Variants in PALB2 observed in about 807,000 individuals in gnomAD.
The protein encoded by PALB2 is mutant partner and localizer of BRCA2.
PALB2 carries 82 observed loss-of-function variants against 107.4 expected under a neutral mutation model. The ratio of observed to expected loss-of-function variants is 0.76; its 90% confidence interval spans 0.64 to 0.92. PALB2 has a LOEUF of 0.92. Among genes scored for constraint, PALB2 ranks in the 40% least tolerant of loss-of-function variants. PALB2 has a pLI of 0.00. For synonymous variants in PALB2, 489 were observed against 496.8 expected, an observed-to-expected ratio of 0.98 and a Z score of 0.21; for missense variants, 1,374 against 1,379.9, an observed-to-expected ratio of 1.00 and a Z score of 0.07.
At chr16:23,611,578 C>A (rs1966589653) in intron 11 of PALB2, among the ~76,000 whole-genome samples, 1 of 151,908 alleles carries the variant, frequency 6.6e-6, no homozygotes, top group Non-Finnish European at 1.5e-5. Flanking sequence ...CCTGCCTTAG[C>A]TTCCCTAGTA....
intron 10 of PALB2, 70 bp downstream of exon 10, chr16:23,621,292 A>G: frequency 1.0e-6 from 1 of 1,001,070 alleles, no homozygotes; most frequent in Non-Finnish European, 1.6e-6. Context: ...CTTCACAACA[A>G]CCCTGTAAAA....
intron 4 of PALB2, 54 bp from the exon 5 acceptor site, chr16:23,630,523 A>C (rs2142391948): frequency 7.5e-7 from 1 of 1,335,270 alleles, no homozygotes; most frequent in Non-Finnish European, 1.1e-6. Flanking sequence ...AAAACAGACA[A>C]TCTGTTTCAC....
chr16:23,630,872 G>A (rs1385235724), intron 4 of PALB2, among the ~76,000 whole-genome samples: 1 of 151,966 alleles, frequency 6.6e-6, no homozygotes, highest in African/African-American at 2.4e-5. Context: ...TACTTTCAGA[G>A]GTCAAGGTAA....
rs1060502726 is a variant in PALB2, at chr16:23,626,273, C to T, written c.2711G>A (p.Trp904Ter). Residue 904 changes from tryptophan to a stop codon, truncating the protein, a stop_gained, in exon 7 of 13, where the codon TGG (tryptophan) becomes TAG (stop). Coordinates refer to ENST00000261584, the MANE Select transcript of PALB2 (RefSeq NM_024675.4). LOFTEE classifies it high-confidence loss of function. The stretch of plus-strand genomic sequence containing the variant: ...CCAGGTATAAAGTTTTTCCCACTGC[C>T]AAGCATCCAGAGCTTTCCAAAGAGA... ...VVSLWKALDA[W>*]QWEKLYTWHF... The T allele has an allele frequency of 1.9e-6, 3 of 1,614,158 alleles. No homozygotes were observed. Among genetic ancestry groups the T allele is most frequent in the Non-Finnish European group, 2.5e-6 (3 of 1,180,024 alleles).
rs1555459932 is a variant in PALB2, at chr16:23,626,260, T to A, written c.2724A>T (p.Lys908Asn). 5.6e-6 allele frequency: 9 copies of A among 1,614,116 alleles called. No homozygotes were observed. Among genetic ancestry groups the A allele is most frequent in the African/African-American group, 2.7e-5 (2 of 75,010 alleles). ...WKALDAWQWE[K>N]LYTWHFAEVP... ...CCTCTGCGAAGTGCCAGGTATAAAG[T>A]TTTTCCCACTGCCAAGCATCCAGAG... Residue 908 changes from lysine to asparagine, a missense_variant, in exon 7 of 13, where the codon AAA becomes AAT. Coordinates refer to ENST00000261584, the MANE Select transcript of PALB2 (RefSeq NM_024675.4).
intron 11 of PALB2, among the ~76,000 whole-genome samples, chr16:23,610,638 G>A (rs554135838): frequency 2.0e-4 from 31 of 152,104 alleles, no homozygotes; most frequent in African/African-American, 7.2e-4. Flanking sequence ...TGGCTTTATG[G>A]GGGACTTTTA....
chr16:23,636,358 A>G, intron 3 of PALB2, 24 bp from the exon 4 acceptor site: 2 of 1,460,284 alleles, frequency 1.4e-6, no homozygotes, highest in African/African-American at 1.4e-5. Context: ...AAATGTATAT[A>G]ACTTATATTT....
chr16:23,640,947 C>T, intron 1 of PALB2, 163 bp downstream of exon 1: 1 of 753,342 alleles, frequency 1.3e-6, no homozygotes, highest in Non-Finnish European at 2.2e-6. Flanking sequence ...GTGAGCACCA[C>T]GCTATTTCCA....
rs769634658 is a variant in PALB2, at chr16:23,629,876, G to T, written c.2278C>A (p.Leu760Ile). ...VAGRTCCTPQ[L>I]AHLKDSVCLA... ...CAGACTGAGTCTTTCAAATGAGCAA[G>T]TTGGGGTGTGCAGCAAGTTCGTCCA... Residue 760 changes from leucine to isoleucine, a missense_variant, in exon 5 of 13, where the codon CTT becomes ATT. Physicochemically the swap from Leu to Ile is conservative, Grantham distance 5. Transcript: ENST00000261584. The T allele has an allele frequency of 6.8e-6, 11 of 1,614,206 alleles. No individual in the cohort carries two copies. The highest frequency in any genetic ancestry group is 6.8e-6 in the Non-Finnish European group (8 of 1,180,040).
rs1283424643 is a variant in PALB2, at chr16:23,640,762, C to T, written c.48+348G>A. 13 of 308,138 alleles carry T rather than the reference C, an allele frequency of 4.2e-5. No homozygotes were observed. In the Admixed American group the frequency reaches 5.5e-4, roughly 13 times the overall value. The allele number at this position is 308,138 out of a possible 1,614,324, so 19.1% of individuals were successfully genotyped here. ...CCACCCACATTAACACACGAAAGGACCTGGAAGTACCAGACTTAAAAGATT... is the reference window on the plus strand; with the variant it reads ...CCACCCACATTAACACACGAAAGGATCTGGAAGTACCAGACTTAAAAGATT... On this transcript the variant is annotated intron_variant, in intron 1 of 12. Transcript: ENST00000261584.
chr16:23,624,708 A>C (rs1966836916), intron 7 of PALB2, among the ~76,000 whole-genome samples: 1 of 152,130 alleles, frequency 6.6e-6, no homozygotes, highest in African/African-American at 2.4e-5. Flanking sequence ...ACGGGGTTTC[A>C]CCATGTTGGT....
chr16:23,637,912 T>G lies in PALB2; in HGVS notation c.149A>C (p.Lys50Thr), dbSNP rs763598472. The G allele has an allele frequency of 1.2e-5, 19 of 1,614,002 alleles. No homozygotes were observed. Among genetic ancestry groups the G allele is most frequent in the East Asian group, 8.9e-5 (4 of 44,878 alleles). Residue 50 changes from lysine to threonine, a missense_variant, in exon 3 of 13, where the codon AAA becomes ACA. Coordinates refer to ENST00000261584, the MANE Select transcript of PALB2 (RefSeq NM_024675.4). The stretch of plus-strand genomic sequence containing the variant: ...CAAACAATCTTGTTCTTCTACTGTT[T>G]TCTTAATAGAATGCTTAATCTTTTC... ...RAEKIKHSIK[K>T]TVEEQDCLSQ...
intron 5 of PALB2, 32 bp from the exon 6 acceptor site, chr16:23,629,307 C>T: frequency 6.4e-6 from 10 of 1,568,382 alleles, no homozygotes; most frequent in Non-Finnish European, 8.8e-6. Context: ...CATTAGTCTA[C>T]ACTTTATGTA....
In PALB2 at chr16:23,635,766, C is replaced by T. The variant is rs1967021342; in HGVS notation, c.780G>A (p.Gln260=). 6.2e-7 allele frequency: 1 copy of T among 1,614,074 alleles called. No homozygotes were observed. Among genetic ancestry groups the T allele is most frequent in the Non-Finnish European group, 8.5e-7 (1 of 1,179,996 alleles). Residue 260 remains glutamine (Q), a synonymous_variant, in exon 4 of 13, where the codon CAG becomes CAA. Transcript: ENST00000261584. ...LQTLSDSGSS[Q]HLEHIPPKGS... ...CTTTAGGAGGAATGTGTTCAAGGTG[C>T]TGACTACTACCGCTATCTGATAGAG...
intron 4 of PALB2, among the ~76,000 whole-genome samples, chr16:23,633,069 G>T (rs1445351138): frequency 6.6e-6 from 1 of 152,152 alleles, no homozygotes; most frequent in African/African-American, 2.4e-5. Context: ...ACCCTATCCG[G>T]GGCGACAAGG....
rs876658438 is a variant in PALB2, at chr16:23,641,143, G to A, written c.15C>T (p.Pro5=). 2 of 1,613,250 alleles carry A rather than the reference G, an allele frequency of 1.2e-6. No homozygotes were observed. Among genetic ancestry groups the A allele is most frequent in the Non-Finnish European group, 8.5e-7 (1 of 1,179,818 alleles). Residue 5 remains proline, a synonymous_variant, in exon 1 of 13, where the codon CCC becomes CCT. Coordinates refer to ENST00000261584, the MANE Select transcript of PALB2 (RefSeq NM_024675.4). ...TCTCCTCACAGCTGAGGGGCTTCCC[G>A]GGAGGCTCGTCCATCGGGCAGGCGA... The part of the protein sequence containing the change: MDEP[P]GKPLSCEEKE...
At chr16:23,632,493 T>C (rs1262418724) in intron 4 of PALB2, among the ~76,000 whole-genome samples, 3 of 152,022 alleles carry the variant, frequency 2.0e-5, no homozygotes, top group Non-Finnish European at 1.5e-5. Context: ...AAAGGTCACA[T>C]ATTGTATGAT....
intron 4 of PALB2, among the ~76,000 whole-genome samples, chr16:23,631,259 G>C (rs1406818114): frequency 8.9e-6 from 1 of 112,654 alleles, no homozygotes; most frequent in East Asian, 2.8e-4. Flanking sequence ...CAGCCTGGGC[G>C]ACAGAGTGAG....
rs2142250606 is a variant in PALB2, at chr16:23,603,456, A to G, written c.*3T>C. Reference sequence around the variant, plus strand: ...GAAAATTGTGTTTTCACTTTACCCTAACTTATGAATAGTGGTATACAAATA... The same window carrying G: ...GAAAATTGTGTTTTCACTTTACCCTGACTTATGAATAGTGGTATACAAATA... On this transcript the variant is annotated 3_prime_UTR_variant, in exon 13 of 13. Coordinates refer to ENST00000261584, the MANE Select transcript of PALB2 (RefSeq NM_024675.4). 6.2e-7 allele frequency: 1 copy of G among 1,609,626 alleles called. No individual in the cohort carries two copies. The highest frequency in any genetic ancestry group is 8.5e-7 in the Non-Finnish European group (1 of 1,175,942).
Sources: gnomAD v4.1 joint callset for allele counts (sites outside exome capture counted in the v4.1 genomes callset) on GRCh38, gnomAD v4.1.1 for gene constraint, MANE v1.5 for transcripts, NCBI Gene and HGNC (gene_info 2026-07-23, HGNC 2026-07-21) for gene names.